Variants in PPP2R2B observed in about 807,000 individuals in gnomAD.
PPP2R2B encodes the protein serine/threonine-protein phosphatase 2A 55 kDa regulatory subunit B beta isoform.
PPP2R2B carries 5 observed loss-of-function variants against 46.0 expected under a neutral mutation model. The ratio of observed to expected loss-of-function variants is 0.11; its 90% CI spans 0.06 to 0.23. The LOEUF is 0.23. PPP2R2B is among the 10% of genes least tolerant of loss of function. PPP2R2B has a pLI of 1.00. For missense variants in PPP2R2B, 367 were observed against 575.0 expected, an observed-to-expected ratio of 0.64 and a Z score of 3.70; for synonymous variants, 215 against 206.7, an observed-to-expected ratio of 1.04 and a Z score of -0.34.
chr5:146,845,008 T>C (rs139929738), intron 2 of PPP2R2B, among the ~76,000 whole-genome samples: 2,088 of 152,304 alleles, frequency 0.014, 23 homozygotes, highest in Non-Finnish European at 0.022. Context: ...GATCCCACTT[T>C]TGGCCACTTC....
intron 2 of PPP2R2B, among the ~76,000 whole-genome samples, chr5:146,746,460 T>C (rs905045739): frequency 2.0e-5 from 3 of 152,110 alleles, no homozygotes; most frequent in African/African-American, 4.8e-5. Context: ...GGCCAGAAAG[T>C]TGATCTCTTT....
In PPP2R2B at chr5:146,583,043, A is replaced by G. The variant is rs376613726; in HGVS notation, c.*6904T>C. 1.2e-4 allele frequency: 18 copies of G among 152,238 alleles called. No homozygotes were observed. Among genetic ancestry groups the G allele is most frequent in the African/African-American group, 3.9e-4 (16 of 41,528 alleles). 9.4% of individuals were successfully genotyped at this position (152,238 alleles called of 1,614,324 possible). On this transcript the variant is annotated 3_prime_UTR_variant, in exon 10 of 10. Coordinates refer to ENST00000394411, the MANE Select transcript of PPP2R2B (RefSeq NM_181675.4). ...TTGGTCTGCCTTCCTACTTTTTACT[A>G]ATCAGTCATACCAGAGTGTTGTGAA...
At chr5:146,703,687 CTCACTT>C (rs1166678432) in intron 2 of PPP2R2B, among the ~76,000 whole-genome samples, 2 of 152,168 alleles carry the variant, frequency 1.3e-5, no homozygotes, top group African/African-American at 2.4e-5. Context: ...TGTCTTTACT[CTCACTT>C]TAAGACCCAT....
At chr5:146,964,127 C>T (rs964078742) in intron 1 of PPP2R2B, among the ~76,000 whole-genome samples, 7 of 152,140 alleles carry the variant, frequency 4.6e-5, no homozygotes, top group Non-Finnish European at 1.0e-4. Context: ...TAAGTATGCT[C>T]CCCAAAACAT....
chr5:147,060,555 G>A (rs966861403), upstream of PPP2R2B, among the ~76,000 whole-genome samples: 2 of 152,146 alleles, frequency 1.3e-5, no homozygotes, highest in Non-Finnish European at 2.9e-5. Flanking sequence ...TTGAGCCTGG[G>A]AGGTTGAGGC....
At chr5:146,893,096 G>A (rs1762539528) in intron 1 of PPP2R2B, among the ~76,000 whole-genome samples, 1 of 152,120 alleles carries the variant, frequency 6.6e-6, no homozygotes, top group Non-Finnish European at 1.5e-5. Context: ...TGTCTTTCCT[G>A]TCACTCATCC....
At chr5:146,885,168 G>A (rs1019037741) in intron 1 of PPP2R2B, among the ~76,000 whole-genome samples, 2 of 152,170 alleles carry the variant, frequency 1.3e-5, no homozygotes, top group Non-Finnish European at 2.9e-5. Flanking sequence ...TACTTGCATT[G>A]TCTCATTTTA....
intron 2 of PPP2R2B, among the ~76,000 whole-genome samples, chr5:146,854,537 A>G (rs1385255572): frequency 6.6e-6 from 1 of 152,144 alleles, no homozygotes; most frequent in Non-Finnish European, 1.5e-5. Flanking sequence ...ATCTAACCGT[A>G]TATTTGTACC....
At chr5:146,753,333 T>C (rs994899845) in intron 2 of PPP2R2B, among the ~76,000 whole-genome samples, 3 of 152,148 alleles carry the variant, frequency 2.0e-5, no homozygotes, top group Admixed American at 2.0e-4. Flanking sequence ...GAGGGTATAA[T>C]GTGAATACTC....
At chr5:146,738,739 A>G (rs1471504759) in intron 2 of PPP2R2B, among the ~76,000 whole-genome samples, 1 of 152,150 alleles carries the variant, frequency 6.6e-6, no homozygotes, top group African/African-American at 2.4e-5. Context: ...CTAATTATAG[A>G]CCATACTTCT....
chr5:146,693,135 C>T (rs1273772905), intron 4 of PPP2R2B, among the ~76,000 whole-genome samples: 1 of 151,784 alleles, frequency 6.6e-6, no homozygotes, highest in Admixed American at 6.6e-5. Context: ...TTCCTTCCCT[C>T]CCTCCCTTTT....
At chr5:146,825,812 C>T (rs962737668) in intron 2 of PPP2R2B, among the ~76,000 whole-genome samples, 4 of 152,218 alleles carry the variant, frequency 2.6e-5, no homozygotes. Context: ...TGTGCTATGA[C>T]ATGCTATGAA....
chr5:146,845,541 C>T (rs1445210464), intron 2 of PPP2R2B, among the ~76,000 whole-genome samples: 2 of 152,126 alleles, frequency 1.3e-5, no homozygotes, highest in Admixed American at 6.5e-5. Context: ...GCGTGAGCCA[C>T]CACACCTGGC....
chr5:146,962,816 T>G (rs1230071983), intron 1 of PPP2R2B, among the ~76,000 whole-genome samples: 1 of 152,152 alleles, frequency 6.6e-6, no homozygotes, highest in Non-Finnish European at 1.5e-5. Flanking sequence ...GTGGCAGAGC[T>G]GGGACTCTAA....
At chr5:146,928,386 T>A (rs1309881601) in intron 1 of PPP2R2B, among the ~76,000 whole-genome samples, 1 of 151,956 alleles carries the variant, frequency 6.6e-6, no homozygotes, top group African/African-American at 2.4e-5. Flanking sequence ...ACTGAACTGT[T>A]CCCACCTGGG....
At chr5:146,889,715 T>C (rs1161187211) in intron 1 of PPP2R2B, among the ~76,000 whole-genome samples, 3 of 152,168 alleles carry the variant, frequency 2.0e-5, no homozygotes, top group Non-Finnish European at 4.4e-5. Flanking sequence ...TTTCAGTGAG[T>C]TCTGTGAGTT....
chr5:146,639,155 G>T (rs951649913), intron 6 of PPP2R2B, among the ~76,000 whole-genome samples: 1 of 152,168 alleles, frequency 6.6e-6, no homozygotes, highest in African/African-American at 2.4e-5. Flanking sequence ...CAAAGTCTGT[G>T]CTCTTTCATA....
At chr5:146,627,002 G>A (rs919935968) in intron 7 of PPP2R2B, among the ~76,000 whole-genome samples, 2 of 152,114 alleles carry the variant, frequency 1.3e-5, no homozygotes, top group Non-Finnish European at 2.9e-5. Flanking sequence ...TTTATTCGAT[G>A]GCTTGGGCAC....
At chr5:146,812,791 G>GTATATATATATGTATATATATATATA (rs1239921320) in intron 2 of PPP2R2B, among the ~76,000 whole-genome samples, 1 of 9,946 alleles carries the variant, frequency 1.0e-4, no homozygotes, top group Non-Finnish European at 1.8e-4. Context: ...GTGTATATGT[G>GTATATATATATGTATATATATATATA]TGTATATATA....
Sources: gnomAD v4.1 joint callset for allele counts (sites outside exome capture counted in the v4.1 genomes callset) on GRCh38, gnomAD v4.1.1 for gene constraint, MANE v1.5 for transcripts, NCBI Gene and HGNC (gene_info 2026-07-23, HGNC 2026-07-21) for gene names.